CLSTN2: variants seen among roughly 807,000 people sequenced by gnomAD.
CLSTN2 encodes calsyntenin-2.
CLSTN2 carries 48 observed loss-of-function variants against 101.2 expected under a neutral mutation model. The observed-to-expected ratio is 0.47, with a 90% CI of 0.38 to 0.60. The LOEUF (loss-of-function observed/expected upper bound fraction) is 0.60. Among genes scored for constraint, CLSTN2 ranks in the 20% least tolerant of loss-of-function variants. The probability of loss-of-function intolerance (pLI) is 0.00; values close to 1 mark genes in which losing one functional copy is unlikely to be tolerated. For synonymous variants in CLSTN2, 481 were observed against 463.6 expected (o/e 1.04, Z -0.48); for missense variants, 1,160 against 1,238.2 (o/e 0.94, Z 0.95).
At chr3:140,510,297 T>C (rs917692434) in intron 8 of CLSTN2, among the ~76,000 whole-genome samples, 3 of 151,912 alleles carry the variant, frequency 2.0e-5, no homozygotes, top group African/African-American at 4.8e-5. Flanking sequence ...GTCATCTAGG[T>C]GTGGAAAGGG....
chr3:140,203,988 T>G (rs2010751135), intron 2 of CLSTN2, among the ~76,000 whole-genome samples: 1 of 152,190 alleles, frequency 6.6e-6, no homozygotes, highest in Non-Finnish European at 1.5e-5. Flanking sequence ...GAAGACATCC[T>G]CTTGCAGTTA....
At position 140,178,319 on chromosome 3, in the gene CLSTN2, CGAA is replaced by C. The variant is rs368300805; in HGVS notation, c.232+2253_232+2255del. 4.4e-3 allele frequency among the ~76,000 whole-genome samples: 675 copies of C among 152,056 alleles called. 5 individuals carry two copies. Among genetic ancestry groups the C allele is most frequent in the African/African-American group, 0.016 (651 of 41,456 alleles). On this transcript the variant is annotated intron_variant, in intron 2 of 16. Coordinates refer to ENST00000458420, the MANE Select transcript of CLSTN2 (RefSeq NM_022131.3). ...TATTTAAGTTTGTTGGTTATAGGGC[CGAA>C]GAAGAATTAAATGTTTCATCTGAAG... is the stretch of plus-strand genomic sequence containing the variant.
rs762312951 is a variant in CLSTN2, at chr3:140,466,657, G to A, written c.1270G>A (p.Val424Ile). Residue 424 changes from valine to isoleucine, a missense_variant, in exon 8 of 17, where the codon GTC becomes ATC. By Grantham distance (29) the Val-to-Ile change is conservative (BLOSUM62 3). Transcript: ENST00000458420. ...CCTGTATGTGCACAACTGCCGCCTC[G>A]TCTTTCTCTTGCGGAAGGACTTCGA... is the stretch of plus-strand genomic sequence containing the variant. ...YALYVHNCRLVFLLRKDFDQA... is the reference protein window; with the variant it reads ...YALYVHNCRLIFLLRKDFDQA... 9.3e-6 allele frequency: 15 copies of A among 1,613,990 alleles called. No individual in the cohort carries two copies. The highest frequency in any genetic ancestry group is 4.5e-5 in the East Asian group (2 of 44,888).
At chr3:140,275,922 T>C (rs1208241806) in intron 2 of CLSTN2, among the ~76,000 whole-genome samples, 1 of 152,022 alleles carries the variant, frequency 6.6e-6, no homozygotes, top group African/African-American at 2.4e-5. Flanking sequence ...GGGTAGGAGT[T>C]AGACCAAGGG....
At chr3:139,988,784 T>C (rs555153402) in intron 1 of CLSTN2, among the ~76,000 whole-genome samples, 2 of 152,320 alleles carry the variant, frequency 1.3e-5, no homozygotes, top group African/African-American at 2.4e-5. Flanking sequence ...ATTGCCTCCA[T>C]GCAAGTAAAA....
intron 4 of CLSTN2, among the ~76,000 whole-genome samples, chr3:140,405,702 G>GT (rs1241907681): frequency 6.6e-6 from 1 of 152,180 alleles, no homozygotes; most frequent in African/African-American, 2.4e-5. Context: ...AAAACTCATT[G>GT]TAGTATAAAC....
At chr3:140,093,675 C>T (rs1003373899) in intron 1 of CLSTN2, among the ~76,000 whole-genome samples, 5 of 152,114 alleles carry the variant, frequency 3.3e-5, no homozygotes, top group Admixed American at 6.5e-5. Flanking sequence ...GGTGATCTTC[C>T]ACTCTATCTC....
intron 2 of CLSTN2, among the ~76,000 whole-genome samples, chr3:140,379,271 C>T (rs1179277798): frequency 6.6e-6 from 1 of 152,090 alleles, no homozygotes; most frequent in Non-Finnish European, 1.5e-5. Context: ...CCAGCATGAC[C>T]AAGAAAGGAG....
At chr3:140,148,736 G>A (rs1172779679) in intron 1 of CLSTN2, among the ~76,000 whole-genome samples, 1 of 152,186 alleles carries the variant, frequency 6.6e-6, no homozygotes, top group Non-Finnish European at 1.5e-5. Flanking sequence ...GTCATTTATG[G>A]TAACATTTTT....
At position 140,546,564 on chromosome 3, in the gene CLSTN2, G is replaced by T. The variant is rs780468074; in HGVS notation, c.1557G>T (p.Leu519=). 9 of 1,614,138 alleles carry T rather than the reference G, an allele frequency of 5.6e-6. No homozygotes were observed. In the South Asian group the frequency reaches 8.8e-5, roughly 16 times the overall value. Residue 519 remains leucine (L), a synonymous_variant, in exon 10 of 17, where the codon CTG becomes CTT. Coordinates refer to ENST00000458420, the MANE Select transcript of CLSTN2 (RefSeq NM_022131.3). Reference sequence around the variant, plus strand: ...TTGCTCAGTTCTTTCATGGAAGCCTGGCCAGTCTCACCATCCGCCCTGGCA... The same window carrying T: ...TTGCTCAGTTCTTTCATGGAAGCCTTGCCAGTCTCACCATCCGCCCTGGCA... The part of the protein sequence containing the change: ...PQFAQFFHGS[L]ASLTIRPGKM...
At chr3:140,017,643 C>G (rs1026750872) in intron 1 of CLSTN2, among the ~76,000 whole-genome samples, 2 of 152,154 alleles carry the variant, frequency 1.3e-5, no homozygotes, top group African/African-American at 2.4e-5. Context: ...AGTTGGGCAG[C>G]GGGGCCCATC....
At chr3:140,032,332 C>CTTT (rs982523156) in intron 1 of CLSTN2, among the ~76,000 whole-genome samples, 26 of 120,366 alleles carry the variant, frequency 2.2e-4, no homozygotes, top group Admixed American at 2.6e-4. Context: ...CTAACAAGTA[C>CTTT]TTTTTTTTTT....
intron 2 of CLSTN2, among the ~76,000 whole-genome samples, chr3:140,392,574 T>A (rs937849171): frequency 2.0e-5 from 3 of 152,166 alleles, no homozygotes; most frequent in Non-Finnish European, 4.4e-5. Context: ...AGTTTCTTGG[T>A]CATATTAGCC....
Position 140,404,641 on chromosome 3 carries a change from A to G in CLSTN2, c.512A>G (p.Glu171Gly), listed in dbSNP as rs199631846. 2.7e-4 allele frequency: 443 copies of G among 1,614,184 alleles called. 1 individual carries two copies. Among genetic ancestry groups the G allele is most frequent in the Non-Finnish European group, 3.5e-4 (416 of 1,180,022 alleles). Residue 171 changes from glutamate to glycine, a missense_variant, in exon 4 of 17, where the codon GAG becomes GGG. Coordinates refer to ENST00000458420, the MANE Select transcript of CLSTN2 (RefSeq NM_022131.3). ...KEPAYKAVVT[E>G]GKIYDSILQV... ...CCAGCCTACAAGGCTGTTGTGACGG[A>G]GGGCAAGATCTATGACAGCATTCTG...
intron 8 of CLSTN2, among the ~76,000 whole-genome samples, chr3:140,523,001 A>C (rs1250721690): frequency 6.6e-6 from 1 of 152,190 alleles, no homozygotes; most frequent in Admixed American, 6.5e-5. Context: ...CTGTAAATAC[A>C]TCTGTATTGA....
chr3:140,301,802 G>T (rs2087061699), intron 2 of CLSTN2, among the ~76,000 whole-genome samples: 1 of 152,164 alleles, frequency 6.6e-6, no homozygotes. Flanking sequence ...AGCAGCAACT[G>T]CCCATCCCTA....
intron 2 of CLSTN2, among the ~76,000 whole-genome samples, chr3:140,178,625 A>G (rs975738681): frequency 5.3e-5 from 8 of 152,148 alleles, no homozygotes; most frequent in Admixed American, 3.9e-4. Flanking sequence ...GGCCAGAGCT[A>G]TTTTTCTCAG....
At chr3:140,483,021 T>A (rs1382631841) in intron 8 of CLSTN2, among the ~76,000 whole-genome samples, 1 of 152,244 alleles carries the variant, frequency 6.6e-6, no homozygotes, top group East Asian at 1.9e-4. Flanking sequence ...TCCAGTTCTT[T>A]TAATTGTGAT....
chr3:140,341,565 G>A (rs2087493064), intron 2 of CLSTN2, among the ~76,000 whole-genome samples: 1 of 152,188 alleles, frequency 6.6e-6, no homozygotes, highest in Admixed American at 6.5e-5. Context: ...TGAAGAAGAA[G>A]GTTTCTATCC....
Sources: allele counts gnomAD v4.1 joint callset (sites outside exome capture counted in the v4.1 genomes callset), GRCh38; gene constraint gnomAD v4.1.1; transcripts MANE v1.5; gene names NCBI Gene and HGNC (gene_info 2026-07-23, HGNC 2026-07-21).